MAP3K5: variants seen among roughly 807,000 people sequenced by gnomAD.
MAP3K5 encodes mitogen-activated protein kinase kinase kinase 5.
In MAP3K5, 56 loss-of-function variants were observed where a neutral mutation model predicts 158.7. The ratio of observed to expected loss-of-function variants is 0.35; its 90% CI spans 0.28 to 0.44. The LOEUF (loss-of-function observed/expected upper bound fraction) is 0.44. Ranked by LOEUF, MAP3K5 falls within the 20% of genes least tolerant of loss-of-function variation. The pLI, the probability that MAP3K5 is intolerant of heterozygous loss-of-function variation, is 1.00. For missense variants in MAP3K5, 1,294 were observed against 1,674.8 expected (o/e 0.77, Z 3.97); for synonymous variants, 579 against 601.7 (o/e 0.96, Z 0.55).
intron 1 of MAP3K5, among the ~76,000 whole-genome samples, chr6:136,777,511 A>G (rs1449282519): frequency 6.6e-6 from 1 of 152,250 alleles, no homozygotes; most frequent in Non-Finnish European, 1.5e-5. Context: ...TAGTTTCCCA[A>G]GACCAATTTC....
At chr6:136,577,372 A>T (rs749010320) in intron 25 of MAP3K5, among the ~76,000 whole-genome samples, 1 of 152,234 alleles carries the variant, frequency 6.6e-6, no homozygotes, top group Non-Finnish European at 1.5e-5. Context: ...ATCCTGAGGG[A>T]AATACAAAAA....
intron 7 of MAP3K5, among the ~76,000 whole-genome samples, chr6:136,686,513 T>C (rs1310805518): frequency 2.0e-5 from 3 of 152,034 alleles, no homozygotes; most frequent in Non-Finnish European, 2.9e-5. Context: ...TGATTGTATA[T>C]TTAGAAAACC....
At chr6:136,723,202 G>A (rs1253547229) in intron 1 of MAP3K5, among the ~76,000 whole-genome samples, 3 of 151,784 alleles carry the variant, frequency 2.0e-5, no homozygotes, top group Non-Finnish European at 4.4e-5. Flanking sequence ...GTGTATATAT[G>A]TAATAATGAT....
At chr6:136,693,253 G>A (rs912015747) in intron 7 of MAP3K5, among the ~76,000 whole-genome samples, 2 of 152,086 alleles carry the variant, frequency 1.3e-5, no homozygotes, top group African/African-American at 2.4e-5. Flanking sequence ...GCTGTCTCTT[G>A]TATTCCAGTG....
intron 1 of MAP3K5, among the ~76,000 whole-genome samples, chr6:136,745,236 C>T (rs947146075): frequency 6.8e-6 from 1 of 146,956 alleles, no homozygotes; most frequent in Non-Finnish European, 1.5e-5. Context: ...ATTGAATAGA[C>T]GAAGATGACT....
At chr6:136,606,678 A>T (rs2129088064) in intron 18 of MAP3K5, among the ~76,000 whole-genome samples, 1 of 152,366 alleles carries the variant, frequency 6.6e-6, no homozygotes, top group East Asian at 1.9e-4. Context: ...ACAAGAACTC[A>T]TCCAAGATGC....
Position 136,562,545 on chromosome 6 carries a change from C to CT in MAP3K5, c.3831dup (p.Asp1278ArgfsTer5). 1 of 1,602,756 alleles carries CT rather than the reference C, an allele frequency of 6.2e-7. No individual in the cohort carries two copies. On this transcript the variant is annotated frameshift_variant, in exon 27 of 30. Transcript: ENST00000359015. LOFTEE classifies it high-confidence loss of function. Reference sequence around the variant, plus strand: ...AGCTTCAGGTGTTTAATTTCTTGGTCTTTTTCTTCAATAGCTCGATGAAGG... The same window carrying CT: ...AGCTTCAGGTGTTTAATTTCTTGGTCTTTTTTCTTCAATAGCTCGATGAAGG...
intron 7 of MAP3K5, among the ~76,000 whole-genome samples, chr6:136,681,655 G>T (rs909311903): frequency 2.0e-5 from 3 of 152,008 alleles, no homozygotes; most frequent in Non-Finnish European, 2.9e-5. Flanking sequence ...AAAACGAAAC[G>T]CCTGTAATCC....
At position 136,785,145 on chromosome 6, in the gene MAP3K5, G is replaced by C. The variant is rs548857956; in HGVS notation, c.448+6565C>G. ...CAATTTTCAAGAACTTCTCCATCTG[G>C]GATAGATGGGATACAAGGTTATGTT... On this transcript the variant is annotated intron_variant, in intron 1 of 29. Coordinates refer to ENST00000359015, the MANE Select transcript of MAP3K5 (RefSeq NM_005923.4). Among the ~76,000 whole-genome samples the C allele has an allele frequency of 1.6e-4, 24 of 152,302 alleles. No individual in the cohort carries two copies. The South Asian group carries it at 5.0e-3, about 32-fold the overall frequency.
At chr6:136,742,723 G>A (rs556117560) in intron 1 of MAP3K5, among the ~76,000 whole-genome samples, 10 of 152,294 alleles carry the variant, frequency 6.6e-5, no homozygotes, top group African/African-American at 2.4e-4. Context: ...ACAAGCCACA[G>A]ACTGAGAGAA....
intron 10 of MAP3K5, among the ~76,000 whole-genome samples, chr6:136,655,069 T>A (rs1334181141): frequency 6.6e-6 from 1 of 152,212 alleles, no homozygotes; most frequent in African/African-American, 2.4e-5. Flanking sequence ...GACAGACAAA[T>A]TCTGTCAAAT....
At chr6:136,671,456 A>G (rs1405280656) in intron 7 of MAP3K5, among the ~76,000 whole-genome samples, 1 of 152,196 alleles carries the variant, frequency 6.6e-6, no homozygotes, top group Admixed American at 6.5e-5. Flanking sequence ...TGTTTTCTGG[A>G]GATTAAAAGA....
At chr6:136,708,487 C>A (rs1321915289) in intron 2 of MAP3K5, among the ~76,000 whole-genome samples, 1 of 152,090 alleles carries the variant, frequency 6.6e-6, no homozygotes, top group African/African-American at 2.4e-5. Flanking sequence ...AACTCCTGGG[C>A]TCAAGCAATC....
chr6:136,614,865 A>G (rs145167197), intron 15 of MAP3K5, among the ~76,000 whole-genome samples: 1 of 152,266 alleles, frequency 6.6e-6, no homozygotes, highest in Non-Finnish European at 1.5e-5. Context: ...AACCACTCAT[A>G]TGTCAAATCT....
At chr6:136,621,370 C>T (rs866011494) in intron 15 of MAP3K5, among the ~76,000 whole-genome samples, 2 of 152,120 alleles carry the variant, frequency 1.3e-5, no homozygotes, top group African/African-American at 4.8e-5. Context: ...CATGTGAATA[C>T]GATTCACAAT....
chr6:136,791,675 G>T, intron 1 of MAP3K5, 35 bp downstream of exon 1: 1 of 1,607,420 alleles, frequency 6.2e-7, no homozygotes. Context: ...CGCGGGTCCC[G>T]ACCGCGCGGG....
intron 8 of MAP3K5, among the ~76,000 whole-genome samples, chr6:136,660,569 A>G (rs372117544): frequency 2.6e-5 from 4 of 152,280 alleles, no homozygotes; most frequent in African/African-American, 9.6e-5. Context: ...GTTTCATTAT[A>G]TATTTTCAAT....
At chr6:136,610,693 T>TAA (rs112503301) in intron 18 of MAP3K5, among the ~76,000 whole-genome samples, 1 of 127,142 alleles carries the variant, frequency 7.9e-6, no homozygotes, top group African/African-American at 2.9e-5. Flanking sequence ...AGTTGAGAAT[T>TAA]AAAAAAAAAA....
intron 8 of MAP3K5, among the ~76,000 whole-genome samples, chr6:136,660,818 C>T (rs921078479): frequency 2.0e-5 from 3 of 152,140 alleles, no homozygotes; most frequent in African/African-American, 4.8e-5. Flanking sequence ...TTATGTACTA[C>T]TTATTAAAGG....
Sources: allele counts gnomAD v4.1 joint callset (sites outside exome capture counted in the v4.1 genomes callset), GRCh38; gene constraint gnomAD v4.1.1; transcripts MANE v1.5; gene names NCBI Gene and HGNC (gene_info 2026-07-23, HGNC 2026-07-21).